PTPN13: variants seen among roughly 807,000 people sequenced by gnomAD.
The protein encoded by PTPN13 is protein tyrosine phosphatase non-receptor type 13.
Under a neutral mutation model 284.0 loss-of-function variants are expected in PTPN13, and 191 were observed. The ratio of observed to expected loss-of-function variants is 0.67; its 90% CI spans 0.60 to 0.76. The LOEUF is 0.76. PTPN13 is among the 30% of genes least tolerant of loss of function. The probability of loss-of-function intolerance (pLI) is 0.00; values close to 1 mark genes in which losing one functional copy is unlikely to be tolerated. For missense variants in PTPN13, 2,797 were observed against 2,939.9 expected (o/e 0.95, Z 1.12); for synonymous variants, 986 against 1,022.3 (o/e 0.96, Z 0.68).
chr4:86,656,766 A>G (rs1026737063), intron 2 of PTPN13, among the ~76,000 whole-genome samples: 1 of 152,206 alleles, frequency 6.6e-6, no homozygotes, highest in Non-Finnish European at 1.5e-5. Context: ...AGACAGGGAC[A>G]TTTAAGTCTG....
intron 12 of PTPN13, 71 bp from the exon 13 acceptor site, chr4:86,734,232 A>G (rs1040022395): frequency 1.6e-6 from 2 of 1,224,064 alleles, no homozygotes; most frequent in Non-Finnish European, 2.2e-6. Flanking sequence ...CTGACCAAAA[A>G]GTGAAGAAAT....
Position 86,775,280 on chromosome 4 carries a change from G to C in PTPN13, c.5618G>C (p.Arg1873Thr), listed in dbSNP as rs1740500968. 1 of 1,613,696 alleles carries C rather than the reference G, an allele frequency of 6.2e-7. No homozygotes were observed. Among genetic ancestry groups the C allele is most frequent in the Non-Finnish European group, 8.5e-7 (1 of 1,179,772 alleles). The change falls in exon 34 of 48, where the codon AGA (arginine) becomes ACA (threonine). Residue 1873 changes from arginine to threonine, a missense_variant. Transcript: ENST00000411767. The part of the protein sequence containing the change: ...LVIGRVLELP[R>T]IPMLPHLLPD... ...ATTGGACGAGTTCTAGAATTACCCA[G>C]AATACCAATGTTGCCTCATTTGCTA...
chr4:86,605,963 C>G (rs939470575), intron 1 of PTPN13, among the ~76,000 whole-genome samples: 2 of 151,628 alleles, frequency 1.3e-5, no homozygotes, highest in Non-Finnish European at 3.0e-5. Flanking sequence ...TTGCAGAAAA[C>G]GAAGAGTAAA....
At chr4:86,779,008 C>T (rs941464790) in intron 35 of PTPN13, among the ~76,000 whole-genome samples, 4 of 149,984 alleles carry the variant, frequency 2.7e-5, no homozygotes, top group African/African-American at 7.4e-5. Flanking sequence ...AATTGTCTTC[C>T]GCTAGCCAAG....
At chr4:86,694,622 A>C (rs1263538687) in intron 6 of PTPN13, among the ~76,000 whole-genome samples, 1 of 150,678 alleles carries the variant, frequency 6.6e-6, no homozygotes, top group Non-Finnish European at 1.5e-5. Flanking sequence ...AATTTCAAAC[A>C]CTTGAAATAA....
At chr4:86,713,315 CA>C (rs1732649266) in intron 7 of PTPN13, among the ~76,000 whole-genome samples, 1 of 152,034 alleles carries the variant, frequency 6.6e-6, no homozygotes, top group Non-Finnish European at 1.5e-5. Flanking sequence ...AACAATAAAA[CA>C]AATGTACTTT....
rs187596179 is a variant in PTPN13 at position 86,769,961 on chromosome 4, C to T, written c.4682C>T (p.Ser1561Phe). 1 of 1,613,868 alleles carries T rather than the reference C, an allele frequency of 6.2e-7. No individual in the cohort carries two copies. Among genetic ancestry groups the T allele is most frequent in the African/African-American group, 1.3e-5 (1 of 75,000 alleles). ...GTTATCTTGAAAGTGAATGGAGCCT[C>T]TTTGAAAGGACTATCTCAGCAGGTG... ...GDVILKVNGA[S>F]LKGLSQQEVI... is the part of the protein sequence containing the mutation. The change falls in exon 29 of 48, where the codon TCT becomes TTT. Residue 1561 changes from serine (S) to phenylalanine (F), a missense_variant. By Grantham distance (155) the Ser-to-Phe change is radical (BLOSUM62 -2). Coordinates refer to ENST00000411767, the MANE Select transcript of PTPN13 (RefSeq NM_080683.3).
In PTPN13 at chr4:86,807,479, T is replaced by A. The variant is rs1019267767; in HGVS notation, c.6746-81T>A. 3.8e-6 allele frequency: 4 copies of A among 1,047,968 alleles called. No individual in the cohort carries two copies. The African/African-American group carries it at 6.4e-5, about 17-fold the overall frequency. 64.9% of individuals were successfully genotyped at this position (1,047,968 alleles called of 1,614,324 possible). A position where few individuals can be genotyped will look rare whatever the true frequency, so the allele number is the denominator to read the frequency against. ...CTGTGACTATGAGAATTTCTCATGATCTTTGACTCATGCAATTTGTAAGAC... is the reference window on the plus strand; with the variant it reads ...CTGTGACTATGAGAATTTCTCATGAACTTTGACTCATGCAATTTGTAAGAC... On this transcript the variant is annotated intron_variant, in intron 44 of 47. Coordinates refer to ENST00000411767, the MANE Select transcript of PTPN13 (RefSeq NM_080683.3).
At chr4:86,709,546 G>A (rs1475919886) in intron 7 of PTPN13, among the ~76,000 whole-genome samples, 3 of 152,142 alleles carry the variant, frequency 2.0e-5, no homozygotes, top group Admixed American at 6.5e-5. Context: ...TTATAGTGAG[G>A]ACAAATCACA....
At position 86,717,104 on chromosome 4, in the gene PTPN13, T is replaced by A. The variant is rs1332545017; in HGVS notation, c.1372T>A (p.Ser458Thr). Reference sequence around the variant, plus strand: ...AGATGAAACCTTAAGTCAAGGCCAGTCACAGAGACCGAGGTATGTCATGAA... The same window carrying A: ...AGATGAAACCTTAAGTCAAGGCCAGACACAGAGACCGAGGTATGTCATGAA... ...GVDETLSQGQ[S>T]QRPSRQYETP... The change falls in exon 9 of 48, where the codon TCA becomes ACA. Residue 458 changes from serine to threonine, a missense_variant. Coordinates refer to ENST00000411767, the MANE Select transcript of PTPN13 (RefSeq NM_080683.3). 6.2e-7 allele frequency: 1 copy of A among 1,610,784 alleles called. No individual in the cohort carries two copies. The highest frequency in any genetic ancestry group is 8.5e-7 in the Non-Finnish European group (1 of 1,177,992).
intron 20 of PTPN13, 47 bp from the exon 21 acceptor site, chr4:86,758,213 A>G: frequency 1.5e-6 from 2 of 1,328,238 alleles, no homozygotes; most frequent in East Asian, 2.5e-5. Context: ...GACAGTCTTA[A>G]TGCCTGAGCA....
intron 15 of PTPN13, among the ~76,000 whole-genome samples, chr4:86,739,269 C>T (rs1213902380): frequency 2.0e-5 from 3 of 152,176 alleles, no homozygotes; most frequent in Admixed American, 2.0e-4. Context: ...CATTAAACTA[C>T]ATTGATATAG....
chr4:86,755,755 G>A (rs1737894496), intron 20 of PTPN13, among the ~76,000 whole-genome samples: 1 of 152,022 alleles, frequency 6.6e-6, no homozygotes, highest in Admixed American at 6.6e-5. Context: ...TAACATAAGT[G>A]TTCTGAGCAT....
At chr4:86,595,035 C>T (rs1050977641) in intron 1 of PTPN13, among the ~76,000 whole-genome samples, 1 of 152,024 alleles carries the variant, frequency 6.6e-6, no homozygotes, top group South Asian at 2.1e-4. Context: ...TTAGGTAGAT[C>T]CATCTCCTCT....
intron 6 of PTPN13, among the ~76,000 whole-genome samples, 152 bp downstream of exon 6, chr4:86,693,826 C>G (rs1730295534): frequency 6.6e-6 from 1 of 152,094 alleles, no homozygotes. Context: ...GGCAGGAACA[C>G]TAGCTACATT....
In PTPN13 at chr4:86,732,467, C is replaced by G; in HGVS notation, c.1676C>G (p.Ser559Cys). ...TTTATATCTTTGGATTTGCCACGGTCTATTCTTGTAAGTAATAAAACCAAT... is the reference window on the plus strand; with the variant it reads ...TTTATATCTTTGGATTTGCCACGGTGTATTCTTGTAAGTAATAAAACCAAT... ...EPFISLDLPR[S>C]ILTKKGKNED... The change falls in exon 11 of 48, where the codon TCT becomes TGT. Residue 559 changes from serine (S) to cysteine (C), a missense_variant. Transcript: ENST00000411767. The G allele has an allele frequency of 6.2e-7, 1 of 1,600,902 alleles. No homozygotes were observed. The highest frequency in any genetic ancestry group is 8.5e-7 in the Non-Finnish European group (1 of 1,172,490).
At chr4:86,686,803 CT>C in intron 4 of PTPN13, 28 bp downstream of exon 4, 4 of 1,460,260 alleles carry the variant, frequency 2.7e-6, no homozygotes, top group African/African-American at 1.4e-5. Flanking sequence ...AGTTGTTATA[CT>C]TTTTACATAT....
chr4:86,782,117 A>C, intron 36 of PTPN13, 84 bp from the exon 37 acceptor site: 1 of 935,576 alleles, frequency 1.1e-6, no homozygotes, highest in East Asian at 2.5e-5. Context: ...ACATCCCAGA[A>C]ATGTGAGTTT....
chr4:86,716,075 A>T (rs1732979835), intron 7 of PTPN13, among the ~76,000 whole-genome samples: 1 of 152,174 alleles, frequency 6.6e-6, no homozygotes, highest in South Asian at 2.1e-4. Flanking sequence ...TTGTGTCTTT[A>T]GATTGTCTAT....
Sources: gnomAD v4.1 joint callset for allele counts (sites outside exome capture counted in the v4.1 genomes callset) on GRCh38, gnomAD v4.1.1 for gene constraint, MANE v1.5 for transcripts, NCBI Gene and HGNC (gene_info 2026-07-23, HGNC 2026-07-21) for gene names.